Variants in LCLAT1 observed in about 807,000 individuals in gnomAD.
LCLAT1 encodes the protein lysocardiolipin acyltransferase 1.
A neutral mutation model predicts 30.7 loss-of-function variants in LCLAT1; 11 were observed. The ratio of observed to expected loss-of-function variants is 0.36; its 90% CI spans 0.23 to 0.59. LCLAT1 has a LOEUF of 0.59. LCLAT1 is among the 20% of genes least tolerant of loss of function. The pLI, the probability that LCLAT1 is intolerant of heterozygous loss-of-function variation, is 0.77. For missense variants in LCLAT1, 402 were observed against 458.6 expected (o/e 0.88, Z 1.13); for synonymous variants, 155 against 151.3 (o/e 1.02, Z -0.18).
intron 3 of LCLAT1, among the ~76,000 whole-genome samples, chr2:30,540,094 C>T (rs1664055792): frequency 6.6e-6 from 1 of 152,158 alleles, no homozygotes; most frequent in African/African-American, 2.4e-5. Context: ...ACATTTTTGT[C>T]TCATCCTGGC....
At chr2:30,511,535 A>T (rs1354961030) in intron 1 of LCLAT1, among the ~76,000 whole-genome samples, 1 of 152,258 alleles carries the variant, frequency 6.6e-6, no homozygotes, top group Non-Finnish European at 1.5e-5. Context: ...AGTTTTGGAC[A>T]GCATAACTAG....
At chr2:30,554,927 GA>G (rs1331036161) in intron 3 of LCLAT1, among the ~76,000 whole-genome samples, 1 of 151,134 alleles carries the variant, frequency 6.6e-6, no homozygotes, top group East Asian at 1.9e-4. Flanking sequence ...TGAATGAAGA[GA>G]AAAAAATATA....
At chr2:30,612,020 T>G (rs1667763854) in intron 5 of LCLAT1, among the ~76,000 whole-genome samples, 1 of 152,160 alleles carries the variant, frequency 6.6e-6, no homozygotes, top group South Asian at 2.1e-4. Context: ...AATAGCACAG[T>G]AGAAAATGAA....
At chr2:30,621,501 G>C (rs567442126) in intron 5 of LCLAT1, among the ~76,000 whole-genome samples, 34 of 152,132 alleles carry the variant, frequency 2.2e-4, no homozygotes, top group Non-Finnish European at 5.0e-4. Flanking sequence ...GACTCACATC[G>C]TGGGCTTTTG....
chr2:30,533,378 A>T, intron 3 of LCLAT1, 64 bp downstream of exon 3: 2 of 1,355,986 alleles, frequency 1.5e-6, no homozygotes, highest in Non-Finnish European at 2.1e-6. Flanking sequence ...CCCACTGTAA[A>T]ACTGACTTAA....
Position 30,461,772 on chromosome 2 carries a change from T to C in LCLAT1, c.-5+14389T>C, listed in dbSNP as rs1179991138. ...TGGACCACTTTTTCTAAATTAAACT[T>C]TTTTTTTTTTTTTTTTGAGACGGAG... On this transcript the variant is annotated intron_variant, in intron 1 of 5. Coordinates refer to ENST00000379509, the MANE Select transcript of LCLAT1 (RefSeq NM_001002257.3). Among the ~76,000 whole-genome samples the C allele has an allele frequency of 4.3e-5, 6 of 138,878 alleles. 1 individual carries two copies. In the South Asian group the frequency reaches 1.3e-3, roughly 30 times the overall value. 91.1% of individuals were successfully genotyped at this position (138,878 alleles called of 152,430 possible). A position where few individuals can be genotyped will look rare whatever the true frequency, so the allele number is the denominator to read the frequency against.
chr2:30,554,863 TGA>T (rs555502116), intron 3 of LCLAT1, among the ~76,000 whole-genome samples: 43 of 152,168 alleles, frequency 2.8e-4, no homozygotes, highest in Middle Eastern at 3.4e-3. Flanking sequence ...ATGAAAAGTA[TGA>T]GAGGAGAGAT....
At chr2:30,584,205 C>T (rs1666330519) in intron 5 of LCLAT1, among the ~76,000 whole-genome samples, 2 of 152,196 alleles carry the variant, frequency 1.3e-5, no homozygotes, top group Admixed American at 1.3e-4. Context: ...ATCCGTGTAG[C>T]AGTTTAACTG....
intron 1 of LCLAT1, among the ~76,000 whole-genome samples, chr2:30,515,012 C>G (rs1685115552): frequency 6.6e-6 from 1 of 152,136 alleles, no homozygotes. Flanking sequence ...CTTTCTCCCT[C>G]AGGCCTATGT....
rs116115509 is a variant in LCLAT1 at position 30,447,961 on chromosome 2, C to G, written c.-5+578C>G. On this transcript the variant is annotated intron_variant, in intron 1 of 5. Transcript: ENST00000379509. ...CCGCGAAAAGAAAGGTAGGCCCTAG[C>G]CAGGGCGGATGCCAAACCTGATCTT... 6.9e-3 allele frequency among the ~76,000 whole-genome samples: 1,053 copies of G among 151,790 alleles called. 11 individuals carry two copies. The highest frequency in any genetic ancestry group is 0.024 in the African/African-American group (998 of 41,056).
At chr2:30,526,943 G>A (rs2148386596) in intron 2 of LCLAT1, among the ~76,000 whole-genome samples, 1 of 152,158 alleles carries the variant, frequency 6.6e-6, no homozygotes, top group Non-Finnish European at 1.5e-5. Context: ...AAGATATGAA[G>A]CCCAGTGTTT....
intron 2 of LCLAT1, among the ~76,000 whole-genome samples, chr2:30,527,345 A>C (rs1685767781): frequency 6.6e-6 from 1 of 152,226 alleles, no homozygotes; most frequent in African/African-American, 2.4e-5. Flanking sequence ...CAGAGGTAAA[A>C]GATTTTTTGT....
At chr2:30,492,456 T>C (rs1317537932) in intron 1 of LCLAT1, among the ~76,000 whole-genome samples, 1 of 151,566 alleles carries the variant, frequency 6.6e-6, no homozygotes, top group East Asian at 1.9e-4. Context: ...TTGAGTAGAG[T>C]GTTAGGAAGC....
intron 1 of LCLAT1, 72 bp from the exon 2 acceptor site, chr2:30,525,515 C>T (rs1233065898): frequency 8.6e-7 from 1 of 1,160,828 alleles, no homozygotes; most frequent in Admixed American, 1.8e-5. Context: ...ATTCTATGCT[C>T]CATCATCCTG....
intron 5 of LCLAT1, among the ~76,000 whole-genome samples, chr2:30,588,845 C>T (rs1001375641): frequency 6.6e-6 from 1 of 152,126 alleles, no homozygotes; most frequent in Admixed American, 6.5e-5. Flanking sequence ...GGTGATCCAC[C>T]CATCTCGGCC....
At chr2:30,640,011 C>T in intron 5 of LCLAT1, 106 bp from the exon 6 acceptor site, 1 of 815,700 alleles carries the variant, frequency 1.2e-6, no homozygotes, top group Non-Finnish European at 2.0e-6. Context: ...TTGTGGTTCA[C>T]ACTGTCCTGA....
intron 3 of LCLAT1, among the ~76,000 whole-genome samples, chr2:30,548,520 GTTT>G (rs1294196772): frequency 6.6e-6 from 1 of 152,134 alleles, no homozygotes; most frequent in Non-Finnish European, 1.5e-5. Flanking sequence ...GGAAAGGATT[GTTT>G]AGGTTAAGGT....
chr2:30,473,372 G>C (rs962298089), intron 1 of LCLAT1, among the ~76,000 whole-genome samples: 8 of 152,122 alleles, frequency 5.3e-5, no homozygotes, highest in Non-Finnish European at 8.8e-5. Context: ...TAGTGTCCTT[G>C]GGATAAGGAG....
chr2:30,551,186 A>G (rs1664660782), intron 3 of LCLAT1, among the ~76,000 whole-genome samples: 1 of 151,688 alleles, frequency 6.6e-6, no homozygotes, highest in Non-Finnish European at 1.5e-5. Flanking sequence ...TTTTTTTTGT[A>G]GAGAAGTGGT....
Sources: allele counts gnomAD v4.1 joint callset (sites outside exome capture counted in the v4.1 genomes callset), GRCh38; gene constraint gnomAD v4.1.1; transcripts MANE v1.5; gene names NCBI Gene and HGNC (gene_info 2026-07-23, HGNC 2026-07-21).